Variants in ZNF536 observed in about 807,000 individuals in gnomAD.
ZNF536 encodes zinc finger protein 536.
A neutral mutation model predicts 84.5 loss-of-function variants in ZNF536; 13 were observed. The observed-to-expected ratio is 0.15, with a 90% CI of 0.10 to 0.24. The LOEUF (loss-of-function observed/expected upper bound fraction) is 0.24, where lower values mean the gene tolerates loss of function less well. Ranked by LOEUF, ZNF536 falls within the 10% of genes least tolerant of loss-of-function variation. The probability of loss-of-function intolerance (pLI) is 1.00; values close to 1 mark genes in which losing one functional copy is unlikely to be tolerated. For missense variants in ZNF536, 1,536 were observed against 1,747.5 expected, an observed-to-expected ratio of 0.88 and a Z score of 2.16; for synonymous variants, 811 against 742.5, an observed-to-expected ratio of 1.09 and a Z score of -1.50.
chr19:30,672,666 T>A (rs745723130), intron 1 of ZNF536, among the ~76,000 whole-genome samples: 4 of 152,192 alleles, frequency 2.6e-5, no homozygotes, highest in Middle Eastern at 3.2e-3. Context: ...ACACATCAAA[T>A]TCTCTGCTAC....
At chr19:30,605,277 C>T (rs1369264952) in intron 1 of ZNF536, among the ~76,000 whole-genome samples, 1 of 152,010 alleles carries the variant, frequency 6.6e-6, no homozygotes, top group African/African-American at 2.4e-5. Context: ...TTCTAGTGCA[C>T]CCATCACCCA....
intron 1 of ZNF536, among the ~76,000 whole-genome samples, chr19:30,664,202 T>A (rs2050219697): frequency 8.4e-6 from 1 of 118,418 alleles, no homozygotes; most frequent in South Asian, 2.7e-4. Context: ...TCTTGCTGAG[T>A]TTTCTCTCTC....
chr19:30,530,781 C>G (rs2044775758), intron 2 of ZNF536, among the ~76,000 whole-genome samples: 1 of 151,648 alleles, frequency 6.6e-6, no homozygotes, highest in Admixed American at 6.6e-5. Context: ...CTCCCTCCTG[C>G]AGTTTGCAGA....
chr19:30,664,203 TTTCTCTCTCTCTC>T lies in ZNF536; in HGVS notation c.170-46552_170-46540del, dbSNP rs1318042799. On this transcript the variant is annotated intron_variant, in intron 1 of 1. Transcript: ENST00000592773. ...CTATCTAGAGGAATTCTTGCTGAGT[TTTCTCTCTCTCTC>T]TCTCTCTCTCTCTCTCTCTCTCTCT... Among the ~76,000 whole-genome samples, 174 of 88,728 alleles carry T rather than the reference TTTCTCTCTCTCTC, an allele frequency of 2.0e-3. 1 individual carries two copies. Among genetic ancestry groups the T allele is most frequent in the Middle Eastern group, 5.1e-3 (1 of 198 alleles). 58.2% of individuals were successfully genotyped at this position (88,728 alleles called of 152,430 possible).
chr19:30,552,015 C>T (rs998498375), intron 4 of ZNF536, among the ~76,000 whole-genome samples: 16 of 152,020 alleles, frequency 1.1e-4, no homozygotes, highest in African/African-American at 3.6e-4. Context: ...CTAGGAGGAA[C>T]ACAAATCCAA....
intron 1 of ZNF536, among the ~76,000 whole-genome samples, chr19:30,608,080 G>A (rs2047961417): frequency 6.6e-6 from 1 of 152,146 alleles, no homozygotes; most frequent in African/African-American, 2.4e-5. Context: ...TTGCGTATTT[G>A]TGCAATTGTA....
intron 3 of ZNF536, among the ~76,000 whole-genome samples, chr19:30,356,201 CT>C (rs1311428711): frequency 6.6e-6 from 1 of 152,224 alleles, no homozygotes; most frequent in African/African-American, 2.4e-5. Flanking sequence ...CCTTCTATAG[CT>C]TTATCCTTTA....
chr19:30,430,024 T>A (rs1481637550), intron 1 of ZNF536, among the ~76,000 whole-genome samples: 6 of 151,290 alleles, frequency 4.0e-5, no homozygotes, highest in Non-Finnish European at 8.8e-5. Context: ...TGGGGTTAGC[T>A]CTTTATGGAG....
At chr19:30,580,715 T>A (rs1031087808) in intron 1 of ZNF536, among the ~76,000 whole-genome samples, 2 of 152,004 alleles carry the variant, frequency 1.3e-5, no homozygotes, top group Admixed American at 1.3e-4. Flanking sequence ...AACAATAGGG[T>A]CTCGAGGAAA....
At chr19:30,665,137 A>C (rs974406170) in intron 1 of ZNF536, 1 of 152,274 alleles carries the variant, frequency 6.6e-6, no homozygotes, top group Non-Finnish European at 1.5e-5. Context: ...TGAGGTCAGG[A>C]CTTCGAAACT....
intron 2 of ZNF536, among the ~76,000 whole-genome samples, chr19:30,297,798 T>G (rs1363912308): frequency 1.3e-5 from 2 of 152,066 alleles, no homozygotes; most frequent in Non-Finnish European, 2.9e-5. Context: ...GCATGGGAGC[T>G]TGGGCGCCAG....
intron 1 of ZNF536, among the ~76,000 whole-genome samples, chr19:30,567,321 G>A (rs903793770): frequency 6.6e-5 from 10 of 152,152 alleles, no homozygotes; most frequent in African/African-American, 2.4e-4. Context: ...ACTGGGTAGG[G>A]ACCAGGTGTT....
intron 1 of ZNF536, among the ~76,000 whole-genome samples, chr19:30,656,659 C>A (rs1275204028): frequency 6.6e-6 from 1 of 152,212 alleles, no homozygotes; most frequent in East Asian, 1.9e-4. Flanking sequence ...GTCTGTGACA[C>A]CTCACTGTCT....
chr19:30,279,781 T>C (rs75228683), intron 1 of ZNF536, among the ~76,000 whole-genome samples: 1,621 of 152,326 alleles, frequency 0.011, 25 homozygotes, highest in African/African-American at 0.037. Flanking sequence ...GGAGACTTAG[T>C]TGGGCACCCA....
intron 2 of ZNF536, among the ~76,000 whole-genome samples, chr19:30,323,592 G>A (rs981484514): frequency 1.3e-5 from 2 of 152,244 alleles, no homozygotes; most frequent in East Asian, 3.9e-4. Context: ...CTTGACTGGG[G>A]TTGCTTCATG....
intron 2 of ZNF536, among the ~76,000 whole-genome samples, chr19:30,344,903 G>A (rs956107572): frequency 6.6e-6 from 1 of 152,180 alleles, no homozygotes; most frequent in African/African-American, 2.4e-5. Flanking sequence ...GATACTGCTT[G>A]TCTAGTGAAT....
intron 2 of ZNF536, among the ~76,000 whole-genome samples, chr19:30,467,131 C>T (rs1400992819): frequency 1.3e-5 from 2 of 152,200 alleles, no homozygotes; most frequent in Non-Finnish European, 2.9e-5. Flanking sequence ...AGCCACTGCA[C>T]CCAGCCTTAA....
At chr19:30,419,775 T>C (rs1175728530) in intron 1 of ZNF536, among the ~76,000 whole-genome samples, 3 of 152,180 alleles carry the variant, frequency 2.0e-5, no homozygotes, top group African/African-American at 7.2e-5. Flanking sequence ...GGGGAGGCTT[T>C]GGCGTGAGGC....
chr19:30,306,124 C>CA (rs997217460), intron 2 of ZNF536, among the ~76,000 whole-genome samples: 26 of 149,902 alleles, frequency 1.7e-4, no homozygotes, highest in African/African-American at 6.4e-4. Flanking sequence ...TTCTACACTC[C>CA]TTTTTTTTTC....
Sources: allele counts gnomAD v4.1 joint callset (sites outside exome capture counted in the v4.1 genomes callset), GRCh38; gene constraint gnomAD v4.1.1; transcripts MANE v1.5; gene names NCBI Gene and HGNC (gene_info 2026-07-23, HGNC 2026-07-21).